Variants in C4orf51 observed in about 807,000 individuals in gnomAD.
C4orf51 encodes the protein uncharacterized protein C4orf51.
In C4orf51, 25 loss-of-function variants were observed where a neutral mutation model predicts 25.2. The ratio of observed to expected loss-of-function variants is 0.99; its 90% CI spans 0.72 to 1.39. C4orf51 has a LOEUF of 1.39. Ranked by LOEUF, C4orf51 falls within the 40% of genes most tolerant of loss-of-function variation. The pLI is 0.00. For synonymous variants in C4orf51, 100 were observed against 84.5 expected (o/e 1.18, Z -1.01); for missense variants, 252 against 239.6 (o/e 1.05, Z -0.34).
intron 2 of C4orf51, among the ~76,000 whole-genome samples, chr4:145,715,730 G>C (rs1483606266): frequency 6.6e-6 from 1 of 152,150 alleles, no homozygotes; most frequent in African/African-American, 2.4e-5. Flanking sequence ...TCTGCTTTTA[G>C]ATTCTTGATG....
intron 1 of C4orf51, among the ~76,000 whole-genome samples, chr4:145,749,394 C>T (rs1394419003): frequency 1.3e-5 from 2 of 151,912 alleles, no homozygotes; most frequent in South Asian, 4.2e-4. Flanking sequence ...AAAGCTTAGT[C>T]CATTTACATT....
At chr4:145,687,809 T>C (rs567426102) in intron 1 of C4orf51, among the ~76,000 whole-genome samples, 9 of 152,296 alleles carry the variant, frequency 5.9e-5, no homozygotes, top group South Asian at 2.1e-4. Flanking sequence ...TTGTTTGTTA[T>C]AGCAGCAATA....
At chr4:145,772,716 CT>C (rs1328760448), downstream of C4orf51, among the ~76,000 whole-genome samples, 1 of 152,212 alleles carries the variant, frequency 6.6e-6, no homozygotes, top group African/African-American at 2.4e-5. Context: ...TAACCTTATT[CT>C]TAGAGCAGCA....
chr4:145,696,671 TG>T (rs1348426044), intron 2 of C4orf51, 39 bp downstream of exon 2: 2 of 1,451,288 alleles, frequency 1.4e-6, no homozygotes, highest in African/African-American at 2.8e-5. Flanking sequence ...CCAGCCCTTT[TG>T]CCAGGGTTGC....
intron 1 of C4orf51, among the ~76,000 whole-genome samples, chr4:145,694,649 G>A (rs551687340): frequency 8.2e-6 from 1 of 122,648 alleles, no homozygotes; most frequent in Non-Finnish European, 1.7e-5. Context: ...AGGGAGGTGG[G>A]GGGGTCAGCC....
At chr4:145,752,542 C>A (rs1258473686) in intron 1 of C4orf51, among the ~76,000 whole-genome samples, 1 of 152,186 alleles carries the variant, frequency 6.6e-6, no homozygotes, top group Non-Finnish European at 1.5e-5. Flanking sequence ...GCCCTCATTT[C>A]TCTTCCCTTT....
chr4:145,773,562 G>A (rs573938631), downstream of C4orf51, among the ~76,000 whole-genome samples: 6 of 152,172 alleles, frequency 3.9e-5, no homozygotes, highest in Non-Finnish European at 5.9e-5. Context: ...AAATGCAGAC[G>A]GAGCTCCTCC....
chr4:145,717,609 G>A (rs544426733), intron 2 of C4orf51, among the ~76,000 whole-genome samples: 9 of 152,318 alleles, frequency 5.9e-5, no homozygotes, highest in Admixed American at 4.6e-4. Flanking sequence ...TGGTCAACTT[G>A]TTGTTCCTTT....
intron 2 of C4orf51, among the ~76,000 whole-genome samples, chr4:145,710,351 G>A (rs1731063443): frequency 6.6e-6 from 1 of 152,206 alleles, no homozygotes. Flanking sequence ...AAGATCTGAT[G>A]TGCAGCTTGA....
chr4:145,753,009 G>T (rs1733757038), intron 1 of C4orf51, among the ~76,000 whole-genome samples: 1 of 152,156 alleles, frequency 6.6e-6, no homozygotes, highest in African/African-American at 2.4e-5. Context: ...GGCCGCTGCT[G>T]GGGGCTGGGG....
intron 1 of C4orf51, among the ~76,000 whole-genome samples, chr4:145,689,031 G>A (rs1729361424): frequency 6.6e-6 from 1 of 152,134 alleles, no homozygotes; most frequent in Non-Finnish European, 1.5e-5. Context: ...TAAAGAGCCA[G>A]AAACAGACCC....
the C4orf51 span, among the ~76,000 whole-genome samples, chr4:145,776,647 G>C: frequency 0.086 from 13,020 of 151,966 alleles, 638 homozygotes; most frequent in Middle Eastern, 0.12. Context: ...GTCAGTCATG[G>C]GTGAGTGCTG....
chr4:145,751,348 C>T lies in C4orf51; in HGVS notation n.168-2859C>T, dbSNP rs188646558. Among the ~76,000 whole-genome samples the T allele has an allele frequency of 5.2e-3, 788 of 152,252 alleles. 8 individuals are homozygous for T. The highest frequency in any genetic ancestry group is 0.018 in the African/African-American group (728 of 41,558). On this transcript the variant is annotated intron_variant and non_coding_transcript_variant, in intron 1 of 1. Transcript: ENST00000508981. ...TGTGATCTAATTTGTATCTGCATTA[C>T]GGGACTCCTCCAGCCCAATAATGCT...
chr4:145,741,872 G>C (rs899583029), intron 1 of C4orf51, among the ~76,000 whole-genome samples: 1 of 151,760 alleles, frequency 6.6e-6, no homozygotes, highest in Non-Finnish European at 1.5e-5. Context: ...AATTTTTGTT[G>C]TTGTTGTTAG....
chr4:145,686,999 T>G (rs1474956990), intron 1 of C4orf51, among the ~76,000 whole-genome samples: 1 of 109,026 alleles, frequency 9.2e-6, no homozygotes, highest in Non-Finnish European at 1.8e-5. Context: ...ACATTGGATC[T>G]TGTGGGGGGG....
chr4:145,788,012 G>A, the C4orf51 span, among the ~76,000 whole-genome samples: 1 of 152,144 alleles, frequency 6.6e-6, no homozygotes. Context: ...TAGAGAAACT[G>A]AGTAATGACC....
At position 145,700,192 on chromosome 4, in the gene C4orf51, G is replaced by A. The variant is rs185016363; in HGVS notation, c.307+3560G>A. ...CTCTATGCCCCAATCCCTTATTTCTGCACCCCAACCTCTTATCTCTGTGCC... is the reference window on the plus strand; with the variant it reads ...CTCTATGCCCCAATCCCTTATTTCTACACCCCAACCTCTTATCTCTGTGCC... On this transcript the variant is annotated intron_variant, in intron 2 of 5. Transcript: ENST00000438731. Among the ~76,000 whole-genome samples the A allele has an allele frequency of 5.9e-3, 703 of 119,134 alleles. 94 individuals are homozygous for A. Among genetic ancestry groups the A allele is most frequent in the African/African-American group, 0.021 (631 of 29,508 alleles). The allele number at this position is 119,134 out of a possible 152,430, so 78.2% of individuals were successfully genotyped here. A position where few individuals can be genotyped will look rare whatever the true frequency, so the allele number is the denominator to read the frequency against.
intron 1 of C4orf51, among the ~76,000 whole-genome samples, chr4:145,749,083 A>G (rs912423549): frequency 6.7e-6 from 1 of 148,634 alleles, no homozygotes; most frequent in Admixed American, 6.7e-5. Context: ...ATATATATAT[A>G]TATGTATATA....
chr4:145,740,950 T>C (rs547557016), intron 1 of C4orf51, among the ~76,000 whole-genome samples: 1 of 152,316 alleles, frequency 6.6e-6, no homozygotes, highest in East Asian at 1.9e-4. Flanking sequence ...TTTTTTCCCA[T>C]TGGTGAGGTA....
Sources: allele counts gnomAD v4.1 joint callset (sites outside exome capture counted in the v4.1 genomes callset), GRCh38; gene constraint gnomAD v4.1.1; transcripts MANE v1.5; gene names NCBI Gene and HGNC (gene_info 2026-07-23, HGNC 2026-07-21).